ITGBL1: variants seen among roughly 807,000 people sequenced by gnomAD.
The protein encoded by ITGBL1 is integrin subunit beta like 1.
ITGBL1 carries 51 observed loss-of-function variants against 68.5 expected under a neutral mutation model. The ratio of observed to expected loss-of-function variants is 0.74; its 90% CI spans 0.59 to 0.94. The LOEUF (loss-of-function observed/expected upper bound fraction) is 0.94, where lower values mean the gene tolerates loss of function less well. Ranked by LOEUF, ITGBL1 falls within the 40% of genes least tolerant of loss-of-function variation. ITGBL1 has a pLI of 0.00. For missense variants in ITGBL1, 649 were observed against 647.4 expected, an observed-to-expected ratio of 1.00 and a Z score of -0.03; for synonymous variants, 209 against 227.3, an observed-to-expected ratio of 0.92 and a Z score of 0.72.
At chr13:101,625,285 G>C (rs1319363994) in intron 7 of ITGBL1, among the ~76,000 whole-genome samples, 1 of 152,154 alleles carries the variant, frequency 6.6e-6, no homozygotes, top group Non-Finnish European at 1.5e-5. Context: ...GAACTTCTTA[G>C]TTATAAATGG....
chr13:101,476,163 A>G (rs1183815493), intron 2 of ITGBL1, among the ~76,000 whole-genome samples: 1 of 147,130 alleles, frequency 6.8e-6, no homozygotes, highest in Non-Finnish European at 1.5e-5. Flanking sequence ...TAATAACATA[A>G]ATAGAAACAA....
intron 9 of ITGBL1, among the ~76,000 whole-genome samples, chr13:101,710,162 T>G (rs2034393805): frequency 6.6e-6 from 1 of 152,228 alleles, no homozygotes; most frequent in African/African-American, 2.4e-5. Flanking sequence ...GTAAACTATT[T>G]GTTTATCCTT....
chr13:101,666,866 C>T (rs372192096), intron 7 of ITGBL1, among the ~76,000 whole-genome samples: 18 of 152,178 alleles, frequency 1.2e-4, no homozygotes, highest in East Asian at 7.7e-4. Flanking sequence ...GGAACCCAGT[C>T]GGTTCCAAGA....
At chr13:101,602,717 C>G (rs562032897) in intron 7 of ITGBL1, among the ~76,000 whole-genome samples, 25 of 152,096 alleles carry the variant, frequency 1.6e-4, no homozygotes, top group African/African-American at 6.0e-4. Context: ...TACCCTATAG[C>G]AGCCACTCCC....
intron 7 of ITGBL1, among the ~76,000 whole-genome samples, chr13:101,604,663 A>G (rs960683665): frequency 1.3e-5 from 2 of 150,920 alleles, no homozygotes; most frequent in Admixed American, 1.3e-4. Flanking sequence ...GACCAGTATG[A>G]AAACTTGTAA....
chr13:101,653,874 T>G (rs1182387580), intron 7 of ITGBL1, among the ~76,000 whole-genome samples: 10 of 147,796 alleles, frequency 6.8e-5, no homozygotes, highest in Admixed American at 1.4e-4. Context: ...TTTTTTGTTT[T>G]TTTTTTTTTG....
chr13:101,641,521 T>TTTTTA (rs143454599), intron 7 of ITGBL1, among the ~76,000 whole-genome samples: 1 of 149,766 alleles, frequency 6.7e-6, no homozygotes, highest in South Asian at 2.1e-4. Flanking sequence ...GTGTCTTTCT[T>TTTTTA]TTTTATTTTA....
chr13:101,703,285 A>G (rs2034177311), intron 8 of ITGBL1, among the ~76,000 whole-genome samples: 2 of 152,196 alleles, frequency 1.3e-5, no homozygotes, highest in Admixed American at 1.3e-4. Context: ...CTGAGCTTTG[A>G]AAATTACTCA....
Position 101,481,973 on chromosome 13 carries a change from G to A in ITGBL1, c.316+27873G>A, listed in dbSNP as rs2048631504. 4.6e-5 allele frequency among the ~76,000 whole-genome samples: 7 copies of A among 152,170 alleles called. No homozygotes were observed. In the South Asian group the frequency reaches 1.5e-3, roughly 32 times the overall value. ...GGGGCCAGAAAGGGGAAATTTAGAA[G>A]GCAATATTTGGGAGGCAAAGGAATG... On this transcript the variant is annotated intron_variant, in intron 2 of 10. Transcript: ENST00000376180.
chr13:101,576,990 G>C (rs1182921279), intron 4 of ITGBL1, among the ~76,000 whole-genome samples: 1 of 151,416 alleles, frequency 6.6e-6, no homozygotes, highest in African/African-American at 2.4e-5. Context: ...ACATGCTTTG[G>C]GGCCAGTGTG....
intron 6 of ITGBL1, 42 bp downstream of exon 6, chr13:101,583,398 G>C (rs375559795): frequency 7.1e-7 from 1 of 1,414,050 alleles, no homozygotes; most frequent in South Asian, 1.8e-5. Flanking sequence ...AGGGGGAGGT[G>C]GGGCTTGTTA....
At chr13:101,671,426 G>GTTTTTTTTTGT (rs2033358219) in intron 7 of ITGBL1, among the ~76,000 whole-genome samples, 4 of 112,640 alleles carry the variant, frequency 3.6e-5, no homozygotes, top group East Asian at 3.5e-4. Context: ...GTATACCTTT[G>GTTTTTTTTTGT]TTTTTTTTTT....
chr13:101,646,334 A>C (rs1198216640), intron 7 of ITGBL1, among the ~76,000 whole-genome samples: 1 of 152,174 alleles, frequency 6.6e-6, no homozygotes, highest in Non-Finnish European at 1.5e-5. Flanking sequence ...AATCATTCTT[A>C]ATGTGAAAAA....
intron 7 of ITGBL1, among the ~76,000 whole-genome samples, chr13:101,676,709 T>A (rs2033511767): frequency 6.6e-6 from 1 of 152,206 alleles, no homozygotes; most frequent in African/African-American, 2.4e-5. Context: ...TTTTTGGTAA[T>A]CTAAAAATTA....
intron 7 of ITGBL1, among the ~76,000 whole-genome samples, chr13:101,606,637 A>G (rs1160750358): frequency 6.6e-6 from 1 of 151,998 alleles, no homozygotes; most frequent in Non-Finnish European, 1.5e-5. Flanking sequence ...AATTTGCATC[A>G]CATCTGAGCA....
intron 3 of ITGBL1, among the ~76,000 whole-genome samples, chr13:101,573,830 A>G (rs1409885184): frequency 6.6e-6 from 1 of 152,138 alleles, no homozygotes; most frequent in African/African-American, 2.4e-5. Context: ...TTCAAACCAA[A>G]TTAGCAACAG....
At chr13:101,519,567 A>T (rs1365065007) in intron 2 of ITGBL1, among the ~76,000 whole-genome samples, 1 of 152,042 alleles carries the variant, frequency 6.6e-6, no homozygotes, top group Non-Finnish European at 1.5e-5. Context: ...CAATAAAGAG[A>T]ATAAATATAA....
chr13:101,655,441 T>C (rs1416297451), intron 7 of ITGBL1, among the ~76,000 whole-genome samples: 1 of 152,218 alleles, frequency 6.6e-6, no homozygotes, highest in Non-Finnish European at 1.5e-5. Context: ...CCTGTTGTAG[T>C]TATTTTCCTA....
chr13:101,606,848 G>A (rs575729364), intron 7 of ITGBL1, among the ~76,000 whole-genome samples: 10 of 152,110 alleles, frequency 6.6e-5, no homozygotes, highest in African/African-American at 1.9e-4. Context: ...GGAGGGAGGT[G>A]TTCTTGCAGG....
Sources: gnomAD v4.1 joint callset for allele counts (sites outside exome capture counted in the v4.1 genomes callset) on GRCh38, gnomAD v4.1.1 for gene constraint, MANE v1.5 for transcripts, NCBI Gene and HGNC (gene_info 2026-07-23, HGNC 2026-07-21) for gene names.